The following ACVR2A variants were observed in gnomAD, a reference collection of about 807,000 sequenced individuals.
The protein encoded by ACVR2A is activin receptor type-2A.
A neutral mutation model predicts 61.4 loss-of-function variants in ACVR2A; 7 were observed. The observed-to-expected ratio is 0.11, with a 90% CI of 0.06 to 0.21. The LOEUF (loss-of-function observed/expected upper bound fraction) is 0.21, where lower values mean the gene tolerates loss of function less well. Ranked by LOEUF, ACVR2A falls within the 10% of genes least tolerant of loss-of-function variation. The pLI is 1.00. For missense variants in ACVR2A, 322 were observed against 621.7 expected, an observed-to-expected ratio of 0.52 and a Z score of 5.13; for synonymous variants, 193 against 208.3, an observed-to-expected ratio of 0.93 and a Z score of 0.63.
At chr2:147,926,959 G>A in intron 10 of ACVR2A, 121 bp from the exon 11 acceptor site, 2 of 920,808 alleles carry the variant, frequency 2.2e-6, no homozygotes, top group Admixed American at 2.9e-5. Flanking sequence ...CAATAAAAGT[G>A]AATGTTGACA....
At chr2:147,863,683 A>G (rs1480204553) in intron 1 of ACVR2A, among the ~76,000 whole-genome samples, 6 of 152,228 alleles carry the variant, frequency 3.9e-5, no homozygotes, top group Admixed American at 6.5e-5. Flanking sequence ...TAGTCTTGCT[A>G]TCTCAGGGAT....
At chr2:147,899,305 A>G (rs1686817529) in intron 2 of ACVR2A, 153 bp from the exon 3 acceptor site, 3 of 490,314 alleles carry the variant, frequency 6.1e-6, no homozygotes, top group Admixed American at 3.9e-5. Flanking sequence ...ATCCAGGAAC[A>G]TTTTTGGTTT....
At chr2:147,896,631 G>T (rs1686739453) in intron 2 of ACVR2A, 123 bp downstream of exon 2, 2 of 851,478 alleles carry the variant, frequency 2.3e-6, no homozygotes, top group East Asian at 5.3e-5. Context: ...TAAAAAATGG[G>T]ATTATAAAGA....
chr2:147,910,150 G>C (rs1687080560), intron 4 of ACVR2A, among the ~76,000 whole-genome samples: 1 of 151,794 alleles, frequency 6.6e-6, no homozygotes, highest in Non-Finnish European at 1.5e-5. Context: ...TTGCATAGTT[G>C]ATATTTTGAG....
chr2:147,849,424 G>T (rs1685395698), intron 1 of ACVR2A, among the ~76,000 whole-genome samples: 1 of 151,892 alleles, frequency 6.6e-6, no homozygotes, highest in Non-Finnish European at 1.5e-5. Context: ...TATTTCTTTT[G>T]TCTAGCTAAC....
At chr2:147,869,358 G>C (rs986779449) in intron 1 of ACVR2A, among the ~76,000 whole-genome samples, 8 of 126,934 alleles carry the variant, frequency 6.3e-5, no homozygotes, top group Non-Finnish European at 1.8e-5. Context: ...ATTCTTCCTT[G>C]ACGTTTGCTT....
chr2:147,887,735 G>A (rs1380301522), intron 1 of ACVR2A, among the ~76,000 whole-genome samples: 1 of 152,124 alleles, frequency 6.6e-6, no homozygotes, highest in Non-Finnish European at 1.5e-5. Context: ...TTTTTATGGT[G>A]AGAACACTTA....
intron 1 of ACVR2A, among the ~76,000 whole-genome samples, chr2:147,893,661 T>G (rs1686647143): frequency 6.6e-6 from 1 of 152,210 alleles, no homozygotes; most frequent in African/African-American, 2.4e-5. Flanking sequence ...CAAAAAAAAT[T>G]TTTATTCTTT....
chr2:147,865,382 T>G (rs1685827739), intron 1 of ACVR2A, among the ~76,000 whole-genome samples: 1 of 152,228 alleles, frequency 6.6e-6, no homozygotes, highest in Non-Finnish European at 1.5e-5. Context: ...GATTTTTTAG[T>G]AGCCTAATCT....
At chr2:147,893,657 A>C (rs1686646664) in intron 1 of ACVR2A, among the ~76,000 whole-genome samples, 1 of 152,176 alleles carries the variant, frequency 6.6e-6, no homozygotes, top group South Asian at 2.1e-4. Context: ...TTTTCAAAAA[A>C]AATTTTTATT....
At position 147,899,950 on chromosome 2, in the gene ACVR2A, A is replaced by C. The variant is rs779232022; in HGVS notation, c.528+52A>C. On this transcript the variant is annotated intron_variant, in intron 4 of 10. Coordinates refer to ENST00000241416, the MANE Select transcript of ACVR2A (RefSeq NM_001616.5). Reference sequence around the variant, plus strand: ...TGTTTTAAATTGTATATTTTTGAGAAATATTACTGTGGTGAAACCCACTAA... The same window carrying C: ...TGTTTTAAATTGTATATTTTTGAGACATATTACTGTGGTGAAACCCACTAA... 3.8e-6 allele frequency: 6 copies of C among 1,559,056 alleles called. 1 individual carries two copies. The Admixed American group carries it at 7.1e-5, about 19-fold the overall frequency.
intron 4 of ACVR2A, among the ~76,000 whole-genome samples, chr2:147,905,862 G>A (rs1037936050): frequency 1.6e-4 from 25 of 152,220 alleles, no homozygotes; most frequent in African/African-American, 5.8e-4. Flanking sequence ...AGGAAGGGGA[G>A]AAAGTAGAAA....
chr2:147,881,104 G>T (rs1686287628), intron 1 of ACVR2A, among the ~76,000 whole-genome samples: 3 of 152,142 alleles, frequency 2.0e-5, no homozygotes, highest in Non-Finnish European at 2.9e-5. Flanking sequence ...CAGGGAAGTT[G>T]AGATCTGGAA....
Position 147,929,040 on chromosome 2 carries a change from T to G in ACVR2A, c.*1766T>G, listed in dbSNP as rs989364915. On this transcript the variant is annotated 3_prime_UTR_variant, in exon 11 of 11. Transcript: ENST00000241416. Reference sequence around the variant, plus strand: ...ATATGTACGTAATCTCTGGGAATAGTAAATTAATTATGTTATTTATAAACA... The same window carrying G: ...ATATGTACGTAATCTCTGGGAATAGGAAATTAATTATGTTATTTATAAACA... The G allele has an allele frequency of 6.6e-6, 1 of 152,436 alleles. No homozygotes were observed. The highest frequency in any genetic ancestry group is 2.4e-5 in the African/African-American group (1 of 41,416). 9.4% of individuals were successfully genotyped at this position (152,436 alleles called of 1,614,324 possible).
intron 1 of ACVR2A, among the ~76,000 whole-genome samples, chr2:147,881,452 T>A (rs1686295786): frequency 6.6e-6 from 1 of 152,180 alleles, no homozygotes; most frequent in African/African-American, 2.4e-5. Context: ...TTTCTGCCTG[T>A]ACATCAGTGT....
chr2:147,847,159 A>G (rs1176655448), intron 1 of ACVR2A, among the ~76,000 whole-genome samples: 1 of 152,166 alleles, frequency 6.6e-6, no homozygotes, highest in East Asian at 1.9e-4. Context: ...TAGGGCATAT[A>G]GATATTCCAC....
intron 4 of ACVR2A, 122 bp from the exon 5 acceptor site, chr2:147,915,069 A>G: frequency 1.1e-6 from 1 of 870,344 alleles, no homozygotes; most frequent in South Asian, 1.7e-5. Context: ...AGTTAATGTC[A>G]TTCATATGTG....
chr2:147,925,181 G>A (rs771957889), intron 9 of ACVR2A, among the ~76,000 whole-genome samples: 12 of 151,984 alleles, frequency 7.9e-5, no homozygotes, highest in Admixed American at 3.9e-4. Context: ...TAGAGAGTTG[G>A]GTTCAATTCC....
chr2:147,868,654 C>T (rs978072302), intron 1 of ACVR2A, among the ~76,000 whole-genome samples: 2 of 150,582 alleles, frequency 1.3e-5, no homozygotes, highest in Non-Finnish European at 3.0e-5. Flanking sequence ...TATTTAGAGA[C>T]AGGGTCTCCT....
Sources: gnomAD v4.1 joint callset for allele counts (sites outside exome capture counted in the v4.1 genomes callset) on GRCh38, gnomAD v4.1.1 for gene constraint, MANE v1.5 for transcripts, NCBI Gene and HGNC (gene_info 2026-07-23, HGNC 2026-07-21) for gene names.